PDZD2: variants seen among roughly 807,000 people sequenced by gnomAD.
PDZD2 encodes the protein PDZ domain-containing protein 2.
A neutral mutation model predicts 220.7 loss-of-function variants in PDZD2; 90 were observed. The ratio of observed to expected loss-of-function variants is 0.41; its 90% confidence interval spans 0.34 to 0.49. PDZD2 has a LOEUF of 0.49. Among genes scored for constraint, PDZD2 ranks in the 20% least tolerant of loss-of-function variants. The pLI is 0.28. For synonymous variants in PDZD2, 1,375 were observed against 1,450.5 expected (o/e 0.95, Z 1.18); for missense variants, 3,174 against 3,608.5 (o/e 0.88, Z 3.08).
intron 6 of PDZD2, among the ~76,000 whole-genome samples, chr5:32,028,776 G>A (rs761409993): frequency 8.1e-5 from 12 of 148,710 alleles, no homozygotes; most frequent in Non-Finnish European, 1.6e-4. Flanking sequence ...TCTGCCTCCC[G>A]GATTCAAGGA....
At chr5:31,923,490 C>T (rs1209845844) in intron 2 of PDZD2, 2 of 950,190 alleles carry the variant, frequency 2.1e-6, no homozygotes, top group Non-Finnish European at 3.4e-6. Flanking sequence ...GGGTGCAGAT[C>T]CTGGAATGTC....
chr5:31,810,876 T>C (rs528495158), intron 2 of PDZD2, among the ~76,000 whole-genome samples: 24 of 152,384 alleles, frequency 1.6e-4, no homozygotes, highest in South Asian at 8.3e-4. Flanking sequence ...TAAACAGTTA[T>C]ATAGATTTCT....
chr5:32,079,167 G>A (rs1226086451), intron 19 of PDZD2, among the ~76,000 whole-genome samples: 3 of 149,040 alleles, frequency 2.0e-5, no homozygotes, highest in Non-Finnish European at 4.4e-5. Context: ...GCTGAGACAC[G>A]AGAATTGCTT....
At chr5:31,893,817 C>T (rs1741281467) in intron 2 of PDZD2, among the ~76,000 whole-genome samples, 1 of 152,110 alleles carries the variant, frequency 6.6e-6, no homozygotes, top group African/African-American at 2.4e-5. Context: ...AAAAAATTGG[C>T]TTAGACATTT....
intron 1 of PDZD2, among the ~76,000 whole-genome samples, chr5:31,745,596 G>A (rs142534167): frequency 6.6e-6 from 1 of 152,200 alleles, no homozygotes; most frequent in Non-Finnish European, 1.5e-5. Flanking sequence ...ATACCAACAT[G>A]CTCATTAGAG....
intron 3 of PDZD2, among the ~76,000 whole-genome samples, chr5:31,988,941 C>G (rs535257862): frequency 1.4e-4 from 21 of 152,358 alleles, no homozygotes; most frequent in African/African-American, 5.0e-4. Context: ...CCTCTTCGGT[C>G]TCCTGCGGTA....
intron 21 of PDZD2, among the ~76,000 whole-genome samples, chr5:32,096,524 G>A (rs1743716931): frequency 6.6e-6 from 1 of 152,130 alleles, no homozygotes; most frequent in Non-Finnish European, 1.5e-5. Flanking sequence ...TCGCCATGTT[G>A]ACTAGGCTGG....
chr5:31,830,456 G>A (rs1297607844), intron 2 of PDZD2, among the ~76,000 whole-genome samples: 1 of 151,798 alleles, frequency 6.6e-6, no homozygotes, highest in East Asian at 1.9e-4. Flanking sequence ...GATTACAGGC[G>A]TGAGCCACTG....
At chr5:31,855,159 A>G (rs1162464624) in intron 2 of PDZD2, 2 of 972,704 alleles carry the variant, frequency 2.1e-6, no homozygotes, top group East Asian at 1.1e-4. Context: ...AGGTGACTTC[A>G]GAACTGGAGG....
At chr5:31,881,717 C>A (rs1031985266) in intron 2 of PDZD2, among the ~76,000 whole-genome samples, 3 of 150,256 alleles carry the variant, frequency 2.0e-5, no homozygotes, top group African/African-American at 7.4e-5. Flanking sequence ...TATATATATA[C>A]ACACACATTT....
intron 1 of PDZD2, among the ~76,000 whole-genome samples, chr5:31,684,781 G>C (rs1012018505): frequency 6.6e-6 from 1 of 152,062 alleles, no homozygotes; most frequent in Admixed American, 6.6e-5. Context: ...TTAGGGTCTT[G>C]CTCTTGCCTC....
intron 2 of PDZD2, among the ~76,000 whole-genome samples, chr5:31,841,254 C>T (rs548841550): frequency 7.2e-5 from 11 of 152,230 alleles, no homozygotes; most frequent in South Asian, 4.1e-4. Context: ...TACAAGAATG[C>T]GTGGGCTACA....
chr5:31,640,750 C>G (rs1189859442), intron 1 of PDZD2, among the ~76,000 whole-genome samples: 4 of 151,792 alleles, frequency 2.6e-5, no homozygotes, highest in Admixed American at 2.6e-4. Flanking sequence ...CAGAACACAC[C>G]CCTGGCTGTA....
intron 1 of PDZD2, among the ~76,000 whole-genome samples, chr5:31,692,246 C>A (rs1422404515): frequency 1.3e-5 from 2 of 152,204 alleles, no homozygotes; most frequent in Non-Finnish European, 2.9e-5. Context: ...GCCGGTGGGG[C>A]CGGCCGGGCG....
chr5:32,075,091 C>T (rs1741167192), intron 18 of PDZD2, among the ~76,000 whole-genome samples: 2 of 152,254 alleles, frequency 1.3e-5, no homozygotes, highest in African/African-American at 2.4e-5. Flanking sequence ...GGATTACAAG[C>T]GTGAGCCACC....
At chr5:31,822,839 G>A in intron 2 of PDZD2, 1 of 800,678 alleles carries the variant, frequency 1.2e-6, no homozygotes, top group Non-Finnish European at 2.1e-6. Context: ...ATGTTGATGG[G>A]GAAGTGCACA....
intron 2 of PDZD2, among the ~76,000 whole-genome samples, chr5:31,890,541 G>A (rs979402643): frequency 6.6e-6 from 1 of 152,148 alleles, no homozygotes; most frequent in Admixed American, 6.5e-5. Flanking sequence ...CGGGCCTAGA[G>A]CCAGGGCCCC....
intron 1 of PDZD2, among the ~76,000 whole-genome samples, chr5:31,758,657 T>A (rs1246426831): frequency 6.6e-6 from 1 of 152,156 alleles, no homozygotes; most frequent in East Asian, 1.9e-4. Flanking sequence ...ATGCCTCTGA[T>A]TTTGAGTTTC....
rs539003475 is a variant in PDZD2 at position 31,724,151 on chromosome 5, G to C, written c.-360-74738G>C. 1.2e-3 allele frequency among the ~76,000 whole-genome samples: 186 copies of C among 152,226 alleles called. 1 individual carries two copies. Among genetic ancestry groups the C allele is most frequent in the Middle Eastern group, 0.01 (3 of 294 alleles). ...TCAACAATACTCCTTAAACTTTAGC[G>C]TAACTTCATAGGAACATTATTTTCC... On this transcript the variant is annotated intron_variant, in intron 1 of 24. Transcript: ENST00000438447.
Sources: allele counts gnomAD v4.1 joint callset (sites outside exome capture counted in the v4.1 genomes callset), GRCh38; gene constraint gnomAD v4.1.1; transcripts MANE v1.5; gene names NCBI Gene and HGNC (gene_info 2026-07-23, HGNC 2026-07-21).